Variants in ZNF730 observed in about 807,000 individuals in gnomAD.
ZNF730 encodes the protein putative zinc finger protein 730.
A neutral mutation model predicts 12.6 loss-of-function variants in ZNF730; 12 were observed. That is an observed-to-expected ratio of 0.95 (90% CI 0.61 to 1.54). ZNF730 has a LOEUF of 1.54. Ranked by LOEUF, ZNF730 falls within the 40% of genes most tolerant of loss-of-function variation. The pLI, the probability that ZNF730 is intolerant of heterozygous loss-of-function variation, is 0.00. For synonymous variants in ZNF730, 194 were observed against 195.8 expected, an observed-to-expected ratio of 0.99 and a Z score of 0.08; for missense variants, 643 against 583.5, an observed-to-expected ratio of 1.10 and a Z score of -1.05.
At chr19:23,116,315 TTTTCTTTTCTTTC>T (rs1970520343), upstream of ZNF730, among the ~76,000 whole-genome samples, 1 of 149,624 alleles carries the variant, frequency 6.7e-6, no homozygotes. Context: ...TTTTCTTTTC[TTTTCTTTTCTTTC>T]TTTCTTTCCT....
intron 1 of ZNF730, chr19:23,075,451 C>T (rs1212769157): frequency 1.3e-5 from 2 of 152,754 alleles, no homozygotes; most frequent in South Asian, 3.9e-4. Flanking sequence ...CAGGACCGGC[C>T]TCCCCACAGT....
At chr19:23,106,643 T>C (rs1252019096) in intron 1 of ZNF730, among the ~76,000 whole-genome samples, 1 of 151,728 alleles carries the variant, frequency 6.6e-6, no homozygotes, top group Non-Finnish European at 1.5e-5. Flanking sequence ...AACACAAAAT[T>C]AGCTGGGTAT....
chr19:23,077,894 C>G, intron 1 of ZNF730, among the ~76,000 whole-genome samples: 1 of 152,196 alleles, frequency 6.6e-6, no homozygotes, highest in Non-Finnish European at 1.5e-5. Context: ...CTCACAGAGA[C>G]AAGTGCTGTG....
chr19:23,141,583 A>G (rs1970920725), intron 3 of ZNF730, among the ~76,000 whole-genome samples: 1 of 152,204 alleles, frequency 6.6e-6, no homozygotes, highest in African/African-American at 2.4e-5. Context: ...CACATTTACA[A>G]TATTAACTAT....
upstream of ZNF730, among the ~76,000 whole-genome samples, chr19:23,112,148 G>GC (rs1179371033): frequency 2.6e-5 from 4 of 152,090 alleles, no homozygotes; most frequent in African/African-American, 9.7e-5. Context: ...ACTTAGAAGG[G>GC]CCCCTCCAGA....
intron 1 of ZNF730, among the ~76,000 whole-genome samples, chr19:23,096,657 G>T (rs899506560): frequency 2.0e-5 from 3 of 152,044 alleles, no homozygotes; most frequent in South Asian, 2.1e-4. Context: ...CATATTTTGA[G>T]CCCATCATTT....
rs77774332 is a variant in ZNF730 at position 23,096,476 on chromosome 19, C to T, written c.-94+21089C>T. 6.5e-3 allele frequency among the ~76,000 whole-genome samples: 994 copies of T among 152,270 alleles called. 20 individuals carry two copies. The East Asian group carries it at 0.065, about 10-fold the overall frequency. ...GTGTGACACTCCTCTTCTGCCTGGG[C>T]CCTCCCAAAAAAGTATTGTTACACA... On this transcript the variant is annotated intron_variant, in intron 1 of 2. Coordinates refer to the ZNF730 transcript ENST00000593635.
At chr19:23,109,132 A>AT (rs370174681) in intron 1 of ZNF730, among the ~76,000 whole-genome samples, 12,068 of 150,476 alleles carry the variant, frequency 0.08, 568 homozygotes, top group Non-Finnish European at 0.11. Context: ...AAGAAACAGA[A>AT]TTTTTTTTTT....
chr19:23,081,076 C>T (rs921702193), intron 1 of ZNF730, among the ~76,000 whole-genome samples: 1 of 151,618 alleles, frequency 6.6e-6, no homozygotes, highest in Non-Finnish European at 1.5e-5. Flanking sequence ...GAACTCCCGA[C>T]CTCAGGTGAT....
intron 3 of ZNF730, among the ~76,000 whole-genome samples, chr19:23,142,397 C>A (rs1044215282): frequency 6.8e-6 from 1 of 146,852 alleles, no homozygotes; most frequent in East Asian, 2.0e-4. Flanking sequence ...GAAAGTATGT[C>A]TCTTGGCCAG....
chr19:23,079,807 TTC>T (rs1367374915), intron 1 of ZNF730, among the ~76,000 whole-genome samples: 1 of 152,202 alleles, frequency 6.6e-6, no homozygotes, highest in Non-Finnish European at 1.5e-5. Flanking sequence ...CCATTTTACT[TTC>T]TTTTTTCATG....
intron 1 of ZNF730, among the ~76,000 whole-genome samples, chr19:23,084,468 G>A (rs532456630): frequency 6.6e-6 from 1 of 152,122 alleles, no homozygotes; most frequent in African/African-American, 2.4e-5. Flanking sequence ...TCTTTAAAAC[G>A]TACAAATAGG....
upstream of ZNF730, among the ~76,000 whole-genome samples, chr19:23,115,453 C>T (rs1970507844): frequency 6.6e-6 from 1 of 152,196 alleles, no homozygotes; most frequent in African/African-American, 2.4e-5. Flanking sequence ...GATATGGAAT[C>T]TGTTTTCCAG....
intron 1 of ZNF730, among the ~76,000 whole-genome samples, chr19:23,099,878 A>G (rs1568305551): frequency 6.6e-6 from 1 of 152,086 alleles, no homozygotes; most frequent in Non-Finnish European, 1.5e-5. Flanking sequence ...ACCTTTGGTA[A>G]TGTCACTCTG....
At chr19:23,091,206 G>A (rs1005798255) in intron 1 of ZNF730, among the ~76,000 whole-genome samples, 3 of 152,148 alleles carry the variant, frequency 2.0e-5, no homozygotes, top group African/African-American at 7.2e-5. Flanking sequence ...GGCTGTGGGT[G>A]CACAGAAGTC....
At chr19:23,091,993 G>T (rs753338375) in intron 1 of ZNF730, among the ~76,000 whole-genome samples, 14 of 152,170 alleles carry the variant, frequency 9.2e-5, no homozygotes, top group Non-Finnish European at 1.8e-4. Context: ...AACTTGAGTT[G>T]TGTATCCCAG....
At chr19:23,127,536 C>A in intron 1 of ZNF730, 1 of 909,538 alleles carries the variant, frequency 1.1e-6, no homozygotes, top group Non-Finnish European at 1.8e-6. Flanking sequence ...ATGTAACCTG[C>A]ATAGTCTTCA....
chr19:23,132,277 G>C (rs1260337584), intron 1 of ZNF730, among the ~76,000 whole-genome samples: 1 of 152,158 alleles, frequency 6.6e-6, no homozygotes. Flanking sequence ...AATCTCATCT[G>C]AGAAGAAATT....
At chr19:23,136,883 AT>A (rs1165450351) in intron 3 of ZNF730, among the ~76,000 whole-genome samples, 2 of 152,258 alleles carry the variant, frequency 1.3e-5, no homozygotes, top group South Asian at 2.1e-4. Flanking sequence ...ATAACAAGGC[AT>A]TTTAGCCTGG....
Sources: allele counts gnomAD v4.1 joint callset (sites outside exome capture counted in the v4.1 genomes callset), GRCh38; gene constraint gnomAD v4.1.1; transcripts MANE v1.5; gene names NCBI Gene and HGNC (gene_info 2026-07-23, HGNC 2026-07-21).